The following GATA4 variants were observed in gnomAD, a reference collection of about 807,000 sequenced individuals.
GATA4 encodes GATA binding protein 4.
Under a neutral mutation model 37.9 loss-of-function variants are expected in GATA4, and 7 were observed. The ratio of observed to expected loss-of-function variants is 0.18; its 90% CI spans 0.11 to 0.35. GATA4 has a LOEUF of 0.35. Ranked by LOEUF, GATA4 falls within the 10% of genes least tolerant of loss-of-function variation. The pLI is 1.00. For synonymous variants in GATA4, 372 were observed against 292.6 expected (o/e 1.27, Z -2.77); for missense variants, 647 against 653.0 (o/e 0.99, Z 0.10).
chr8:11,693,560 C>CAGAGAGAGAGAGAG (rs1285850308), intron 1 of GATA4, among the ~76,000 whole-genome samples: 15 of 68,918 alleles, frequency 2.2e-4, no homozygotes, highest in African/African-American at 5.5e-4. Flanking sequence ...CACACACACA[C>CAGAGAGAGAGAGAG]ACAGAGAGAG....
intron 1 of GATA4, among the ~76,000 whole-genome samples, chr8:11,677,603 A>G (rs1798824369): frequency 6.6e-6 from 1 of 152,172 alleles, no homozygotes; most frequent in African/African-American, 2.4e-5. Flanking sequence ...AACCTGGCCC[A>G]TGTCAGACCC....
At chr8:11,730,359 C>G (rs927734800) in intron 2 of GATA4, among the ~76,000 whole-genome samples, 2 of 152,200 alleles carry the variant, frequency 1.3e-5, no homozygotes, top group African/African-American at 4.8e-5. Flanking sequence ...AAACCAGACA[C>G]CTCTTAGATC....
chr8:11,720,857 T>C (rs1800641780), intron 2 of GATA4, among the ~76,000 whole-genome samples: 1 of 152,094 alleles, frequency 6.6e-6, no homozygotes, highest in African/African-American at 2.4e-5. Context: ...TGCTTGGGCT[T>C]TGCTTTTCAG....
At chr8:11,738,933 CA>C (rs1280275633) in intron 2 of GATA4, among the ~76,000 whole-genome samples, 2 of 152,238 alleles carry the variant, frequency 1.3e-5, no homozygotes, top group African/African-American at 2.4e-5. Context: ...TCTTCATGTA[CA>C]TTCTACCCTG....
rs539718034 is a variant in GATA4, at chr8:11,739,868, A to G, written c.617-9048A>G. 7.2e-5 allele frequency among the ~76,000 whole-genome samples: 11 copies of G among 152,234 alleles called. No individual in the cohort carries two copies. In the East Asian group the frequency reaches 2.1e-3, roughly 29 times the overall value. On this transcript the variant is annotated intron_variant, in intron 2 of 6. Coordinates refer to ENST00000532059, the MANE Select transcript of GATA4 (RefSeq NM_001308093.3). ...TGGTTTTCTCTTATGGATATTCACG[A>G]AATAGCCCAGACCCAGCTTGCAGGT...
chr8:11,714,426 T>C (rs1426647131), intron 2 of GATA4, among the ~76,000 whole-genome samples: 2 of 152,216 alleles, frequency 1.3e-5, no homozygotes, highest in East Asian at 3.8e-4. Flanking sequence ...GACCTGCTTA[T>C]CAAGTACGCT....
chr8:11,756,371 TCCC>T, intron 5 of GATA4: 4 of 167,120 alleles, frequency 2.4e-5, no homozygotes, highest in South Asian at 1.4e-4. Flanking sequence ...TGCTGACGAG[TCCC>T]CTATGTCCCC....
chr8:11,716,744 T>C (rs964122663), intron 2 of GATA4, among the ~76,000 whole-genome samples: 1 of 152,220 alleles, frequency 6.6e-6, no homozygotes, highest in African/African-American at 2.4e-5. Context: ...TGAAAACCAC[T>C]AACCGGCTGC....
intron 2 of GATA4, among the ~76,000 whole-genome samples, chr8:11,737,535 A>C (rs532559535): frequency 6.6e-6 from 1 of 152,234 alleles, no homozygotes; most frequent in East Asian, 1.9e-4. Context: ...CTCCATTGCA[A>C]TCTTCCTAAT....
chr8:11,735,733 G>A (rs1801422896), intron 2 of GATA4, among the ~76,000 whole-genome samples: 1 of 152,136 alleles, frequency 6.6e-6, no homozygotes. Context: ...GGCTAATTTT[G>A]TATTTTTAGT....
chr8:11,732,888 G>A (rs1157503487), intron 2 of GATA4, among the ~76,000 whole-genome samples: 1 of 152,150 alleles, frequency 6.6e-6, no homozygotes, highest in Non-Finnish European at 1.5e-5. Flanking sequence ...CAGACCACAT[G>A]GAGGGAAAGA....
intron 5 of GATA4, among the ~76,000 whole-genome samples, chr8:11,755,799 C>T (rs1802529855): frequency 6.6e-6 from 1 of 151,704 alleles, no homozygotes; most frequent in African/African-American, 2.4e-5. Flanking sequence ...ACCACTCTGC[C>T]TTCTTAATTT....
upstream of GATA4, among the ~76,000 whole-genome samples, chr8:11,690,005 C>G (rs996917574): frequency 6.6e-6 from 1 of 152,240 alleles, no homozygotes; most frequent in Admixed American, 6.5e-5. Context: ...CTGGATACTA[C>G]TTGCCTCTTC....
At chr8:11,757,644 G>C (rs1370911398) in intron 6 of GATA4, among the ~76,000 whole-genome samples, 2 of 152,204 alleles carry the variant, frequency 1.3e-5, no homozygotes, top group South Asian at 2.1e-4. Flanking sequence ...CTGGTGGGGA[G>C]GTCACAGGCA....
Position 11,749,072 on chromosome 8 carries a change from C to G in GATA4, c.773C>G (p.Pro258Arg), listed in dbSNP as rs753457161. 6.2e-7 allele frequency: 1 copy of G among 1,614,236 alleles called. No individual in the cohort carries two copies. The highest frequency in any genetic ancestry group is 8.5e-7 in the Non-Finnish European group (1 of 1,180,044). Residue 258 changes from proline (P) to arginine (R), a missense_variant, in exon 3 of 7, where the codon CCT becomes CGT. Pro to Arg is a moderately radical substitution (Grantham distance 103, BLOSUM62 -2). Coordinates refer to ENST00000532059, the MANE Select transcript of GATA4 (RefSeq NM_001308093.3). The surrounding 1 kb of genome is among the most constrained non-coding windows in gnomAD (Gnocchi z 4.6). ...MNGINRPLIK[P>R]QRRLSASRRV... ...GGCATCAACCGGCCGCTCATCAAGC[C>G]TCAGCGCCGGCTGGTAAGCACGTGC...
chr8:11,692,245 G>C (rs566709451), upstream of GATA4, among the ~76,000 whole-genome samples: 1 of 152,356 alleles, frequency 6.6e-6, no homozygotes, highest in South Asian at 2.1e-4. Context: ...GGGAAACTGA[G>C]CGCAGGGGTG....
intron 2 of GATA4, among the ~76,000 whole-genome samples, chr8:11,724,241 C>CA (rs1225152480): frequency 6.6e-6 from 1 of 152,090 alleles, no homozygotes; most frequent in Non-Finnish European, 1.5e-5. Flanking sequence ...TGCGTCTGCC[C>CA]ATTGACCATT....
intron 2 of GATA4, among the ~76,000 whole-genome samples, chr8:11,715,612 G>A (rs1301698034): frequency 6.6e-6 from 1 of 151,936 alleles, no homozygotes; most frequent in Non-Finnish European, 1.5e-5. Flanking sequence ...ATGGTGGCAC[G>A]TGCCTGTAAT....
chr8:11,712,525 A>C (rs1794121578), intron 2 of GATA4, among the ~76,000 whole-genome samples: 1 of 152,038 alleles, frequency 6.6e-6, no homozygotes, highest in Non-Finnish European at 1.5e-5. Flanking sequence ...TTTTTAAAAA[A>C]AGAAATATTG....
Sources: gnomAD v4.1 joint callset for allele counts (sites outside exome capture counted in the v4.1 genomes callset) on GRCh38, gnomAD v4.1.1 for gene constraint, Gnocchi (gnomAD v3.1) non-coding constraint, MANE v1.5 for transcripts, NCBI Gene and HGNC (gene_info 2026-07-23, HGNC 2026-07-21) for gene names.